Variants in ATP6V0B observed in about 807,000 individuals in gnomAD.
ATP6V0B encodes the protein V-type proton ATPase 21 kDa proteolipid subunit c''.
In ATP6V0B, 4 loss-of-function variants were observed where a neutral mutation model predicts 26.2. The observed-to-expected ratio is 0.15, with a 90% CI of 0.08 to 0.35. The LOEUF is 0.35. Among genes scored for constraint, ATP6V0B ranks in the 10% least tolerant of loss-of-function variants. The probability of loss-of-function intolerance (pLI) is 1.00; values close to 1 mark genes in which losing one functional copy is unlikely to be tolerated. For synonymous variants in ATP6V0B, 110 were observed against 105.8 expected (o/e 1.04, Z -0.24); for missense variants, 175 against 272.5 (o/e 0.64, Z 2.52).
intron 7 of ATP6V0B, chr1:43,977,634 G>C: frequency 7.0e-7 from 1 of 1,420,546 alleles, no homozygotes; most frequent in Non-Finnish European, 9.1e-7. Context: ...ATGCCTGTCA[G>C]TAGGACACCA....
chr1:43,975,167 T>C, intron 1 of ATP6V0B, 60 bp downstream of exon 1: 1 of 1,401,722 alleles, frequency 7.1e-7, no homozygotes, highest in African/African-American at 1.5e-5. Context: ...GGGTCGGAAC[T>C]CGGCGGGGAA....
intron 7 of ATP6V0B, chr1:43,977,506 C>G (rs1449036618): frequency 2.8e-6 from 4 of 1,429,884 alleles, no homozygotes; most frequent in Non-Finnish European, 2.7e-6. Context: ...ATCTGCCATG[C>G]TTTTCATGTC....
chr1:43,975,342 C>G, intron 1 of ATP6V0B: 1 of 591,946 alleles, frequency 1.7e-6, no homozygotes, highest in Middle Eastern at 2.6e-4. Context: ...CCCCGTCCTG[C>G]CACTATCGCT....
chr1:43,976,530 G>C lies in ATP6V0B; in HGVS notation c.279-60G>C. ...TGGGGACTTACTGGGCAGGAAGGAC[G>C]GTTTCTTTCTCATTTCTTTCTCCTT... On this transcript the variant is annotated intron_variant, in intron 4 of 7. Transcript: ENST00000472174. This position sits in a 1 kb window ranked among gnomAD's most constrained non-coding sequence, Gnocchi z 4.6. The C allele has an allele frequency of 1.3e-6, 2 of 1,594,258 alleles. No individual in the cohort carries two copies. Among genetic ancestry groups the C allele is most frequent in the Non-Finnish European group, 1.7e-6 (2 of 1,162,416 alleles).
Position 43,977,063 on chromosome 1 carries a change from G to T in ATP6V0B, c.438G>T (p.Leu146=). 6.2e-6 allele frequency: 10 copies of T among 1,612,884 alleles called. No homozygotes were observed. Among genetic ancestry groups the T allele is most frequent in the Non-Finnish European group, 8.5e-6 (10 of 1,179,054 alleles). Reference sequence around the variant, plus strand: ...TTGGGGCTGGCCTCACCGTAGGCCTGTCTAACCTCTTCTGTGGAGTCTGCG... The same window carrying T: ...TTGGGGCTGGCCTCACCGTAGGCCTTTCTAACCTCTTCTGTGGAGTCTGCG... ...SMFGAGLTVG[L]SNLFCGVCVG... Residue 146 remains leucine, a synonymous_variant, in exon 7 of 8, where the codon CTG becomes CTT. Coordinates refer to ENST00000472174, the MANE Select transcript of ATP6V0B (RefSeq NM_004047.5).
chr1:43,977,554 T>C, intron 7 of ATP6V0B: 1 of 1,425,428 alleles, frequency 7.0e-7, no homozygotes, highest in Non-Finnish European at 9.1e-7. Context: ...GAATGGAATT[T>C]TGTCTGTCTA....
At chr1:43,975,130 G>A in intron 1 of ATP6V0B, 23 bp downstream of exon 1, 1 of 1,409,370 alleles carries the variant, frequency 7.1e-7, no homozygotes, top group Non-Finnish European at 9.2e-7. Flanking sequence ...CCTGGCGGGC[G>A]GGAGCAGCAT....
chr1:43,977,924 T>C (rs1302141696), intron 7 of ATP6V0B, 57 bp from the exon 8 acceptor site: 4 of 1,614,090 alleles, frequency 2.5e-6, no homozygotes, highest in Non-Finnish European at 3.4e-6. Flanking sequence ...CTATCATTTG[T>C]CACTGCCTTA....
At position 43,975,784 on chromosome 1, in the gene ATP6V0B, T is replaced by C. The variant is rs1462140979; in HGVS notation, c.68-16T>C. 1.3e-6 allele frequency: 2 copies of C among 1,588,790 alleles called. No individual in the cohort carries two copies. Among genetic ancestry groups the C allele is most frequent in the Middle Eastern group, 3.4e-4 (2 of 5,952 alleles). On this transcript the variant is annotated splice_polypyrimidine_tract_variant and intron_variant, in intron 1 of 7. Coordinates refer to ENST00000472174, the MANE Select transcript of ATP6V0B (RefSeq NM_004047.5). ...CGAGCAGCCCGTAACCCCCTTTTTC[T>C]CCCTCACTGCTGCAGGAGTCTGCTA...
intron 1 of ATP6V0B, 78 bp downstream of exon 1, chr1:43,975,185 G>T: frequency 7.2e-7 from 1 of 1,392,708 alleles, no homozygotes; most frequent in Non-Finnish European, 9.4e-7. Context: ...GAAGTGGCCT[G>T]CGGGGAATAC....
chr1:43,976,955 GA>G lies in ATP6V0B; in HGVS notation c.401-70del, dbSNP rs1163632385. The G allele has an allele frequency of 7.1e-5, 113 of 1,601,116 alleles. 1 individual carries two copies. The South Asian group carries it at 1.1e-3, about 16-fold the overall frequency. On this transcript the variant is annotated intron_variant, in intron 6 of 7. Transcript: ENST00000472174. The surrounding 1 kb of genome is among the most constrained non-coding windows in gnomAD (Gnocchi z 4.6). ...TTCTGCTTTGCAGAGTGGGGATGGTGATTGGCCCCATTAGCCCATATCTCCC... is the reference window on the plus strand; with the variant it reads ...TTCTGCTTTGCAGAGTGGGGATGGTGTTGGCCCCATTAGCCCATATCTCCC...
intron 7 of ATP6V0B, 155 bp downstream of exon 7, chr1:43,977,371 A>G: frequency 1.3e-6 from 2 of 1,533,164 alleles, no homozygotes; most frequent in Non-Finnish European, 1.7e-6. Flanking sequence ...GTTTTCTCCT[A>G]CAGGGGCTCT....
intron 1 of ATP6V0B, 100 bp from the exon 2 acceptor site, chr1:43,975,700 C>T: frequency 7.1e-7 from 1 of 1,409,716 alleles, no homozygotes; most frequent in Non-Finnish European, 1.0e-6. Context: ...GAGGACGCCC[C>T]TTCAGGGAGG....
In ATP6V0B at chr1:43,977,023, C is replaced by T; in HGVS notation, c.401-3C>T. On this transcript the variant is annotated splice_polypyrimidine_tract_variant and splice_region_variant and intron_variant, in intron 6 of 7. Transcript: ENST00000472174. The stretch of plus-strand genomic sequence containing the variant: ...CTCACTGCACCCCTCTCTATCCTCC[C>T]AGGCTACTCCATGTTTGGGGCTGGC... 1 of 1,604,208 alleles carries T rather than the reference C, an allele frequency of 6.2e-7. No individual in the cohort carries two copies.
Position 43,976,948 on chromosome 1 carries a change from G to T in ATP6V0B, c.401-78G>T. 6.2e-7 allele frequency: 1 copy of T among 1,601,668 alleles called. No individual in the cohort carries two copies. Reference sequence around the variant, plus strand: ...CTACTTTTTCTGCTTTGCAGAGTGGGGATGGTGATTGGCCCCATTAGCCCA... The same window carrying T: ...CTACTTTTTCTGCTTTGCAGAGTGGTGATGGTGATTGGCCCCATTAGCCCA... On this transcript the variant is annotated intron_variant, in intron 6 of 7. Coordinates refer to ENST00000472174, the MANE Select transcript of ATP6V0B (RefSeq NM_004047.5). This position sits in a 1 kb window ranked among gnomAD's most constrained non-coding sequence, Gnocchi z 4.6.
rs2085524829 is a variant in ATP6V0B at position 43,976,770 on chromosome 1, C to T, written c.349-3C>T. On this transcript the variant is annotated splice_region_variant and splice_polypyrimidine_tract_variant and intron_variant, in intron 5 of 7. Coordinates refer to ENST00000472174, the MANE Select transcript of ATP6V0B (RefSeq NM_004047.5). The surrounding 1 kb of genome is among the most constrained non-coding windows in gnomAD (Gnocchi z 4.6). ...TTTCTGATTACTTTTCTTCTTCCCT[C>T]AGCCTTTCAGTGCCACAGACCCCAA... 1.9e-6 allele frequency: 3 copies of T among 1,614,080 alleles called. No homozygotes were observed. In the African/African-American group the frequency reaches 4.0e-5, roughly 22 times the overall value.
intron 7 of ATP6V0B, 94 bp downstream of exon 7, chr1:43,977,310 ATAAC>A: frequency 3.1e-6 from 5 of 1,606,930 alleles, no homozygotes; most frequent in Non-Finnish European, 4.2e-6. Flanking sequence ...TTCTCTACCT[ATAAC>A]TATAGATTCC....
Position 43,976,093 on chromosome 1 carries a change from C to T in ATP6V0B, c.120C>T (p.Phe40=). The change falls in exon 3 of 8, where the codon TTC becomes TTT. Residue 40 remains phenylalanine (F), a synonymous_variant. Transcript: ENST00000472174. This position sits in a 1 kb window ranked among gnomAD's most constrained non-coding sequence, Gnocchi z 4.6. ...DLGFRFDVAW[F]LTETSPFMWS... ...TTCTTCTCTGCTTCCACAACAGGTT[C>T]CTGACGGAGACTTCGCCCTTCATGT... 6.2e-7 allele frequency: 1 copy of T among 1,614,008 alleles called. No individual in the cohort carries two copies. The highest frequency in any genetic ancestry group is 8.5e-7 in the Non-Finnish European group (1 of 1,179,892).
At chr1:43,975,648 G>A in intron 1 of ATP6V0B, 152 bp from the exon 2 acceptor site, 1 of 816,592 alleles carries the variant, frequency 1.2e-6, no homozygotes, top group South Asian at 1.5e-5. Flanking sequence ...CCTAAGCAGA[G>A]GAATCTGTCT....
Sources: gnomAD v4.1 joint callset for allele counts on GRCh38, gnomAD v4.1.1 for gene constraint, Gnocchi (gnomAD v3.1) non-coding constraint, MANE v1.5 for transcripts, NCBI Gene and HGNC (gene_info 2026-07-23, HGNC 2026-07-21) for gene names.